The following SNRPN variants were observed in gnomAD, a reference collection of about 807,000 sequenced individuals.
The protein encoded by SNRPN is small nuclear ribonucleoprotein-associated protein N.
In SNRPN, 7 loss-of-function variants were observed where a neutral mutation model predicts 25.2. The observed-to-expected ratio is 0.28, with a 90% CI of 0.16 to 0.52. SNRPN has a LOEUF of 0.52. Among genes scored for constraint, SNRPN ranks in the 20% least tolerant of loss-of-function variants. The pLI is 0.96. For missense variants in SNRPN, 196 were observed against 322.5 expected, an observed-to-expected ratio of 0.61 and a Z score of 3.00; for synonymous variants, 124 against 110.6, an observed-to-expected ratio of 1.12 and a Z score of -0.76.
intron 2 of SNRPN, chr15:24,911,161 C>A: frequency 1.8e-6 from 1 of 548,090 alleles, no homozygotes; most frequent in Non-Finnish European, 2.9e-6. Context: ...TGGAAAGGGC[C>A]AAAGAAAATT....
At chr15:24,934,772 G>C (rs2061118318) in intron 3 of SNRPN, among the ~76,000 whole-genome samples, 1 of 152,086 alleles carries the variant, frequency 6.6e-6, no homozygotes, top group Admixed American at 6.5e-5. Context: ...TCCCAGGCTG[G>C]TCTTAAACTC....
intron 1 of SNRPN, among the ~76,000 whole-genome samples, chr15:24,876,222 T>C (rs1294792684): frequency 6.6e-6 from 1 of 152,166 alleles, no homozygotes; most frequent in Admixed American, 6.5e-5. Context: ...TTTTTTTTCC[T>C]TTGGCCACAT....
chr15:24,894,256 T>G (rs112127270), intron 2 of SNRPN, among the ~76,000 whole-genome samples: 6,866 of 151,846 alleles, frequency 0.045, 565 homozygotes, highest in African/African-American at 0.16. Flanking sequence ...TCTCGCTCTG[T>G]CGCCCAGGCT....
At chr15:24,889,537 C>A (rs909399240) in intron 2 of SNRPN, among the ~76,000 whole-genome samples, 4 of 150,738 alleles carry the variant, frequency 2.7e-5, no homozygotes, top group African/African-American at 9.7e-5. Context: ...GATCTCCTGA[C>A]CTCGTGATTC....
At chr15:24,847,096 C>T (rs187644260) in intron 2 of SNRPN, among the ~76,000 whole-genome samples, 13 of 152,274 alleles carry the variant, frequency 8.5e-5, no homozygotes, top group African/African-American at 3.1e-4. Context: ...GAAAAGAAAT[C>T]CTCTACCTAG....
chr15:24,932,711 A>G (rs1176310092), intron 3 of SNRPN, among the ~76,000 whole-genome samples: 1 of 151,124 alleles, frequency 6.6e-6, no homozygotes, highest in Non-Finnish European at 1.5e-5. Flanking sequence ...GTGCAATGAC[A>G]CAATCTCGGC....
chr15:24,836,536 C>T lies in SNRPN; in HGVS notation c.-579+6631C>T, dbSNP rs558907035. 3.2e-4 allele frequency among the ~76,000 whole-genome samples: 48 copies of T among 152,006 alleles called. 1 individual carries two copies. The highest frequency in any genetic ancestry group is 1.0e-3 in the Admixed American group (16 of 15,282). On this transcript the variant is annotated intron_variant, in intron 2 of 12. Coordinates refer to the SNRPN transcript ENST00000400100. ...AAGCGATTCTCCTGCCTCAGTCTCC[C>T]GAGTAGCTGGGACTATAGGCGCCCA...
chr15:24,918,133 G>T (rs556524136), intron 2 of SNRPN, among the ~76,000 whole-genome samples: 46 of 151,660 alleles, frequency 3.0e-4, no homozygotes, highest in Non-Finnish European at 5.0e-4. Context: ...GTATCTGTAT[G>T]TGCATATGTG....
chr15:24,846,888 G>T (rs753032369), intron 2 of SNRPN, among the ~76,000 whole-genome samples: 2 of 152,158 alleles, frequency 1.3e-5, no homozygotes, highest in African/African-American at 2.4e-5. Flanking sequence ...GGGAATTTGG[G>T]AGTCTTTTGA....
chr15:24,833,765 T>C (rs4028397), intron 2 of SNRPN, among the ~76,000 whole-genome samples: 21,500 of 151,740 alleles, frequency 0.14, 1,770 homozygotes, highest in East Asian at 0.29. Context: ...GAAGAGAGGT[T>C]GTTGTTTAAT....
Position 24,974,522 on chromosome 15 carries a change from C to T in SNRPN, c.3+66C>T, listed in dbSNP as rs1032291844. The T allele has an allele frequency of 4.1e-6, 6 of 1,460,414 alleles. No individual in the cohort carries two copies. In the Admixed American group the frequency reaches 1.0e-4, roughly 24 times the overall value. 90.5% of individuals were successfully genotyped at this position (1,460,414 alleles called of 1,614,324 possible). A position where few individuals can be genotyped will look rare whatever the true frequency, so the allele number is the denominator to read the frequency against. On this transcript the variant is annotated intron_variant, in intron 4 of 9. Coordinates refer to ENST00000390687, the MANE Select transcript of SNRPN (RefSeq NM_003097.6). ...AGGGCCGAAAGAAATAGTTTGCCAG[C>T]ATGTGCAGTGATCTTGGGTTCTGAA...
intron 2 of SNRPN, among the ~76,000 whole-genome samples, chr15:24,896,630 T>A (rs1595765297): frequency 6.6e-6 from 1 of 151,806 alleles, no homozygotes. Context: ...AGGAGAATGG[T>A]GTAAACCTGG....
chr15:24,895,772 T>C (rs2058049541), intron 2 of SNRPN, among the ~76,000 whole-genome samples: 1 of 152,196 alleles, frequency 6.6e-6, no homozygotes, highest in African/African-American at 2.4e-5. Flanking sequence ...GAAGATAGAT[T>C]TGTTTACATC....
intron 2 of SNRPN, among the ~76,000 whole-genome samples, chr15:24,893,388 G>A (rs1469874604): frequency 2.6e-5 from 4 of 152,010 alleles, no homozygotes; most frequent in Admixed American, 6.6e-5. Flanking sequence ...AACCTAAGGC[G>A]GTAGGATTGG....
At chr15:24,928,541 T>C (rs764875351) in intron 3 of SNRPN, among the ~76,000 whole-genome samples, 5 of 151,526 alleles carry the variant, frequency 3.3e-5, no homozygotes, top group Non-Finnish European at 5.9e-5. Context: ...TGATTAATAA[T>C]CACAATTATA....
Position 24,977,935 on chromosome 15 carries a change from C to G in SNRPN, c.559+19C>G, listed in dbSNP as rs372683782. 9.1e-6 allele frequency: 14 copies of G among 1,537,002 alleles called. No homozygotes were observed. Among genetic ancestry groups the G allele is most frequent in the Non-Finnish European group, 1.2e-5 (14 of 1,142,108 alleles). On this transcript the variant is annotated intron_variant, in intron 8 of 9. Transcript: ENST00000390687. ...CCTCCAGGTAAGGGATTGGTGAACA[C>G]GAAGACGAACTTGAATCTCTGATGA...
intron 1 of SNRPN, among the ~76,000 whole-genome samples, chr15:24,874,335 G>A (rs1465973993): frequency 3.2e-4 from 41 of 126,800 alleles, no homozygotes; most frequent in Non-Finnish European, 5.3e-4. Flanking sequence ...AAAAAAAAAG[G>A]CAGAGTGGCA....
At chr15:24,955,719 C>T (rs1279648856) in intron 1 of SNRPN, among the ~76,000 whole-genome samples, 1 of 147,372 alleles carries the variant, frequency 6.8e-6, no homozygotes, top group African/African-American at 2.5e-5. Flanking sequence ...GGGGAGAGTC[C>T]GTAGGAAGTG....
intron 2 of SNRPN, among the ~76,000 whole-genome samples, chr15:24,832,320 T>C (rs1470380486): frequency 6.6e-6 from 1 of 152,082 alleles, no homozygotes; most frequent in Non-Finnish European, 1.5e-5. Flanking sequence ...ACAATGTGTC[T>C]TTAATTGGTG....
Sources: gnomAD v4.1 joint callset for allele counts (sites outside exome capture counted in the v4.1 genomes callset) on GRCh38, gnomAD v4.1.1 for gene constraint, MANE v1.5 for transcripts, NCBI Gene and HGNC (gene_info 2026-07-23, HGNC 2026-07-21) for gene names.